The following TTC39B variants were observed in gnomAD, a reference collection of about 807,000 sequenced individuals.
TTC39B encodes tetratricopeptide repeat protein 39B.
Under a neutral mutation model 96.6 loss-of-function variants are expected in TTC39B, and 92 were observed. The ratio of observed to expected loss-of-function variants is 0.95; its 90% CI spans 0.80 to 1.13. The LOEUF (loss-of-function observed/expected upper bound fraction) is 1.13. TTC39B is among the 50% of genes most tolerant of loss of function. The pLI, the probability that TTC39B is intolerant of heterozygous loss-of-function variation, is 0.00. For synonymous variants in TTC39B, 367 were observed against 299.4 expected (o/e 1.23, Z -2.33); for missense variants, 955 against 809.3 (o/e 1.18, Z -2.18).
intron 2 of TTC39B, among the ~76,000 whole-genome samples, chr9:15,246,363 T>C (rs1198722786): frequency 6.6e-6 from 1 of 151,636 alleles, no homozygotes; most frequent in Non-Finnish European, 1.5e-5. Flanking sequence ...GAGACTCACC[T>C]TAACAAAAAT....
At chr9:15,182,233 T>C in intron 17 of TTC39B, 74 bp downstream of exon 17, 1 of 912,256 alleles carries the variant, frequency 1.1e-6, no homozygotes, top group Non-Finnish European at 1.7e-6. Flanking sequence ...TTGGCAGATG[T>C]GCACAGGGAA....
In TTC39B at chr9:15,200,017, AAC is replaced by A. The variant is rs1157639379; in HGVS notation, c.760-94_760-93del. The A allele has an allele frequency of 6.5e-6, 4 of 615,068 alleles. No individual in the cohort carries two copies. In the African/African-American group the frequency reaches 7.7e-5, roughly 12 times the overall value. The allele number at this position is 615,068 out of a possible 1,614,324, so 38.1% of individuals were successfully genotyped here. A position where few individuals can be genotyped will look rare whatever the true frequency, so the allele number is the denominator to read the frequency against. On this transcript the variant is annotated intron_variant, in intron 7 of 19. Transcript: ENST00000512701. ...GTGTTTGTGTGATTAGAAAAACAAA[AAC>A]AAACAAACAAAAAAAAGTATTTTGA...
exon 20 of TTC39B, chr9:15,171,894 T>C (rs1817679867): frequency 3.4e-6 from 2 of 593,510 alleles, no homozygotes; most frequent in South Asian, 6.4e-5. Flanking sequence ...TGATAGAAAA[T>C]ATTGACCAAA....
intron 1 of TTC39B, among the ~76,000 whole-genome samples, chr9:15,297,390 C>G (rs1338719595): frequency 6.6e-6 from 1 of 152,202 alleles, no homozygotes; most frequent in Admixed American, 6.5e-5. Context: ...GGGACTTGCT[C>G]TAAGTCACAC....
intron 11 of TTC39B, among the ~76,000 whole-genome samples, chr9:15,190,214 CA>C (rs1818777928): frequency 6.6e-6 from 1 of 151,848 alleles, no homozygotes; most frequent in Non-Finnish European, 1.5e-5. Context: ...GTCACTATGA[CA>C]AAGGACACTA....
At chr9:15,275,334 C>T (rs1415630668) in intron 1 of TTC39B, among the ~76,000 whole-genome samples, 3 of 152,186 alleles carry the variant, frequency 2.0e-5, no homozygotes, top group South Asian at 2.1e-4. Flanking sequence ...AGCCAACGCT[C>T]CCAGCCAGTT....
chr9:15,296,525 A>C (rs995174940), intron 1 of TTC39B, among the ~76,000 whole-genome samples: 2 of 151,852 alleles, frequency 1.3e-5, no homozygotes, highest in African/African-American at 4.8e-5. Context: ...AAGGAATTTC[A>C]CTCTTTTTGC....
chr9:15,285,195 G>A (rs113163115), intron 1 of TTC39B, among the ~76,000 whole-genome samples: 14 of 151,964 alleles, frequency 9.2e-5, no homozygotes, highest in African/African-American at 2.7e-4. Context: ...CGTGAACCCG[G>A]GAGGCGGAGT....
chr9:15,189,534 A>G (rs1818731701), intron 13 of TTC39B, 40 bp downstream of exon 13: 1 of 1,606,284 alleles, frequency 6.2e-7, no homozygotes, highest in Non-Finnish European at 8.5e-7. Context: ...GAGTCGCCAT[A>G]CAGACAACTC....
intron 2 of TTC39B, among the ~76,000 whole-genome samples, chr9:15,236,261 A>G (rs541309299): frequency 5.3e-4 from 80 of 152,346 alleles, no homozygotes; most frequent in Non-Finnish European, 8.7e-4. Flanking sequence ...TCAATATAAC[A>G]AGAAGATTTA....
intron 2 of TTC39B, among the ~76,000 whole-genome samples, chr9:15,265,463 C>T (rs1052339446): frequency 6.6e-6 from 1 of 152,222 alleles, no homozygotes; most frequent in Non-Finnish European, 1.5e-5. Flanking sequence ...AAGGCCTGAT[C>T]CTTTTCCATC....
intron 16 of TTC39B, among the ~76,000 whole-genome samples, chr9:15,184,530 G>A (rs1427880410): frequency 6.6e-5 from 10 of 151,980 alleles, no homozygotes; most frequent in Non-Finnish European, 1.5e-4. Flanking sequence ...AGCACCAGAA[G>A]AGTCATAGTA....
intron 1 of TTC39B, among the ~76,000 whole-genome samples, chr9:15,279,774 T>C (rs1823684521): frequency 6.6e-6 from 1 of 152,176 alleles, no homozygotes; most frequent in South Asian, 2.1e-4. Flanking sequence ...GTGGCTGACA[T>C]GTCCTGATGT....
Position 15,198,519 on chromosome 9 carries a change from C to G in TTC39B, c.824+1342G>C, listed in dbSNP as rs146907413. On this transcript the variant is annotated intron_variant, in intron 8 of 19. Coordinates refer to ENST00000512701, the Ensembl canonical transcript of TTC39B. ...GGGCAAAATGTGGTAAATGAAATTACACTTTTGCAAACTTCTTATAATTTA... is the reference window on the plus strand; with the variant it reads ...GGGCAAAATGTGGTAAATGAAATTAGACTTTTGCAAACTTCTTATAATTTA... Among the ~76,000 whole-genome samples the G allele has an allele frequency of 3.6e-3, 536 of 150,274 alleles. 3 individuals carry two copies. The highest frequency in any genetic ancestry group is 5.1e-3 in the Non-Finnish European group (344 of 67,672).
chr9:15,250,250 C>T, intron 2 of TTC39B: 1 of 1,094,178 alleles, frequency 9.1e-7, no homozygotes, highest in South Asian at 2.4e-5. Flanking sequence ...TTTTTTTTCC[C>T]CCAATCTCTG....
exon 20 of TTC39B, chr9:15,169,721 G>C (rs1040243744): frequency 2.6e-5 from 4 of 152,166 alleles, no homozygotes; most frequent in African/African-American, 9.7e-5. Flanking sequence ...ACTGTCCATA[G>C]TATCAGGTAA....
At chr9:15,297,022 C>G (rs28444701) in intron 1 of TTC39B, among the ~76,000 whole-genome samples, 46,373 of 147,966 alleles carry the variant, frequency 0.31, 8,634 homozygotes, top group East Asian at 0.55. Context: ...AAAAGAAAAG[C>G]CAAACTCGGT....
intron 2 of TTC39B, among the ~76,000 whole-genome samples, chr9:15,237,686 T>G (rs1038592393): frequency 2.0e-5 from 3 of 147,424 alleles, no homozygotes; most frequent in African/African-American, 7.4e-5. Flanking sequence ...CAGGACCAGA[T>G]GCATTCACAG....
At chr9:15,207,930 G>A (rs1470769771) in intron 6 of TTC39B, among the ~76,000 whole-genome samples, 11 of 142,850 alleles carry the variant, frequency 7.7e-5, no homozygotes, top group Non-Finnish European at 1.6e-4. Context: ...CTTGCAGTGA[G>A]CTGAGATCAT....
Sources: gnomAD v4.1 joint callset for allele counts (sites outside exome capture counted in the v4.1 genomes callset) on GRCh38, gnomAD v4.1.1 for gene constraint, MANE v1.5 for transcripts, NCBI Gene and HGNC (gene_info 2026-07-23, HGNC 2026-07-21) for gene names.